The following MEI4 variants were observed in gnomAD, a reference collection of about 807,000 sequenced individuals.
MEI4 encodes meiosis-specific protein MEI4.
In MEI4, 27 loss-of-function variants were observed where a neutral mutation model predicts 31.4. The observed-to-expected ratio is 0.86, with a 90% confidence interval of 0.63 to 1.19. The LOEUF (loss-of-function observed/expected upper bound fraction) is 1.19, where lower values mean the gene tolerates loss of function less well. Among genes scored for constraint, MEI4 ranks in the 50% most tolerant of loss-of-function variants. The pLI is 0.00. For synonymous variants in MEI4, 122 were observed against 145.4 expected, an observed-to-expected ratio of 0.84 and a Z score of 1.16; for missense variants, 329 against 398.9, an observed-to-expected ratio of 0.82 and a Z score of 1.49.
intron 4 of MEI4, among the ~76,000 whole-genome samples, chr6:77,849,464 C>A (rs143525809): frequency 6.6e-6 from 1 of 152,088 alleles, no homozygotes; most frequent in Non-Finnish European, 1.5e-5. Flanking sequence ...CATTTCTGTT[C>A]GCTCTGAGCA....
chr6:77,870,138 T>C (rs992695973), intron 4 of MEI4, among the ~76,000 whole-genome samples: 7 of 152,196 alleles, frequency 4.6e-5, no homozygotes, highest in Non-Finnish European at 7.3e-5. Context: ...AAATTTAAGA[T>C]AGTATGAAAG....
intron 4 of MEI4, among the ~76,000 whole-genome samples, chr6:77,904,478 T>C (rs185163123): frequency 1.9e-4 from 29 of 152,134 alleles, no homozygotes; most frequent in Admixed American, 1.8e-3. Flanking sequence ...CACTCTCAAG[T>C]AGGCCCCAGT....
chr6:77,781,678 G>T (rs193089389), intron 3 of MEI4, among the ~76,000 whole-genome samples: 29 of 152,194 alleles, frequency 1.9e-4, no homozygotes, highest in Admixed American at 1.5e-3. Context: ...TCCAGGAAAG[G>T]TATTTTATTA....
chr6:77,736,429 A>C (rs1201320381), intron 2 of MEI4, among the ~76,000 whole-genome samples: 1 of 152,054 alleles, frequency 6.6e-6, no homozygotes, highest in East Asian at 1.9e-4. Context: ...TTCTTTGACT[A>C]GGAAAGGGAA....
At chr6:77,862,265 G>A (rs927444379) in intron 4 of MEI4, among the ~76,000 whole-genome samples, 1 of 152,210 alleles carries the variant, frequency 6.6e-6, no homozygotes, top group African/African-American at 2.4e-5. Flanking sequence ...ATGAGCCGAA[G>A]CAGGGCAAGG....
At chr6:77,880,238 T>G (rs1007464664) in intron 4 of MEI4, among the ~76,000 whole-genome samples, 129 of 149,976 alleles carry the variant, frequency 8.6e-4, no homozygotes, top group Admixed American at 3.3e-3. Flanking sequence ...TTGTTTGTTT[T>G]TTTTTTTTTT....
intron 2 of MEI4, among the ~76,000 whole-genome samples, chr6:77,745,928 C>G (rs1056494744): frequency 6.6e-6 from 1 of 151,940 alleles, no homozygotes; most frequent in African/African-American, 2.4e-5. Flanking sequence ...CCAACGAGAA[C>G]AAAGACACAA....
chr6:77,748,450 T>G (rs1167445684), intron 2 of MEI4, among the ~76,000 whole-genome samples: 1 of 152,184 alleles, frequency 6.6e-6, no homozygotes, highest in East Asian at 1.9e-4. Context: ...CCCTTTCAGC[T>G]ACAACTGGAG....
At chr6:77,742,118 C>A (rs1401133091) in intron 2 of MEI4, among the ~76,000 whole-genome samples, 2 of 151,970 alleles carry the variant, frequency 1.3e-5, no homozygotes, top group African/African-American at 4.8e-5. Context: ...GATTTATAGT[C>A]CTTTGGGGTA....
chr6:77,774,023 G>C (rs146977086), intron 3 of MEI4, among the ~76,000 whole-genome samples: 2 of 152,068 alleles, frequency 1.3e-5, no homozygotes, highest in Non-Finnish European at 2.9e-5. Flanking sequence ...ACAACTGCTG[G>C]TGAGGATGTG....
chr6:77,826,268 A>G (rs1045597557), intron 3 of MEI4, among the ~76,000 whole-genome samples: 1 of 152,200 alleles, frequency 6.6e-6, no homozygotes, highest in African/African-American at 2.4e-5. Context: ...GCTAAATAAC[A>G]TATGTAAATT....
At chr6:77,805,876 G>C (rs1156370561) in intron 3 of MEI4, among the ~76,000 whole-genome samples, 1 of 151,614 alleles carries the variant, frequency 6.6e-6, no homozygotes, top group Admixed American at 6.6e-5. Flanking sequence ...AACAAAATTT[G>C]TTAAGCATTA....
chr6:77,754,335 CCA>C (rs2127679436), intron 2 of MEI4, among the ~76,000 whole-genome samples: 1 of 152,302 alleles, frequency 6.6e-6, no homozygotes, highest in South Asian at 2.1e-4. Context: ...CAAAATGCCG[CCA>C]GTCTCTTTGC....
intron 4 of MEI4, among the ~76,000 whole-genome samples, chr6:77,879,836 G>C (rs1771434807): frequency 1.3e-5 from 2 of 152,028 alleles, no homozygotes; most frequent in African/African-American, 4.8e-5. Context: ...AGAGTATTTG[G>C]GGCTTCACAT....
chr6:77,674,280 T>A (rs1768800492), intron 1 of MEI4, among the ~76,000 whole-genome samples: 1 of 152,186 alleles, frequency 6.6e-6, no homozygotes, highest in Non-Finnish European at 1.5e-5. Context: ...TAAGAGTTTT[T>A]AAATATGTGT....
chr6:77,888,807 T>C (rs1451661509), intron 4 of MEI4, among the ~76,000 whole-genome samples: 1 of 152,116 alleles, frequency 6.6e-6, no homozygotes, highest in Non-Finnish European at 1.5e-5. Flanking sequence ...TCCCAATGTG[T>C]TGTGGGAGGG....
At chr6:77,864,393 A>C (rs1366465586) in intron 4 of MEI4, among the ~76,000 whole-genome samples, 1 of 152,208 alleles carries the variant, frequency 6.6e-6, no homozygotes, top group Non-Finnish European at 1.5e-5. Flanking sequence ...AAGATCTACC[A>C]AGCAAATGGA....
At chr6:77,815,332 G>T (rs1483965997) in intron 3 of MEI4, among the ~76,000 whole-genome samples, 1 of 152,008 alleles carries the variant, frequency 6.6e-6, no homozygotes, top group Non-Finnish European at 1.5e-5. Flanking sequence ...TGTAGCCATG[G>T]CATGTGAGCA....
At chr6:77,779,045 T>G (rs1768528899) in intron 3 of MEI4, among the ~76,000 whole-genome samples, 1 of 152,058 alleles carries the variant, frequency 6.6e-6, no homozygotes, top group Non-Finnish European at 1.5e-5. Context: ...TGGAAGTAAA[T>G]TTAGTCTTTG....
Sources: gnomAD v4.1 joint callset for allele counts (sites outside exome capture counted in the v4.1 genomes callset) on GRCh38, gnomAD v4.1.1 for gene constraint, MANE v1.5 for transcripts, NCBI Gene and HGNC (gene_info 2026-07-23, HGNC 2026-07-21) for gene names.